Variants in ITGA11 observed in about 807,000 individuals in gnomAD.
The protein encoded by ITGA11 is integrin subunit alpha 11, also known as integrin alpha-11.
Under a neutral mutation model 141.9 loss-of-function variants are expected in ITGA11, and 97 were observed. The ratio of observed to expected loss-of-function variants is 0.68; its 90% CI spans 0.58 to 0.81. The LOEUF (loss-of-function observed/expected upper bound fraction) is 0.81, where lower values mean the gene tolerates loss of function less well. Ranked by LOEUF, ITGA11 falls within the 30% of genes least tolerant of loss-of-function variation. The pLI is 0.00. For synonymous variants in ITGA11, 658 were observed against 624.6 expected (o/e 1.05, Z -0.80); for missense variants, 1,387 against 1,559.2 (o/e 0.89, Z 1.86).
intron 1 of ITGA11, among the ~76,000 whole-genome samples, chr15:68,421,970 T>C (rs1297733369): frequency 1.3e-5 from 2 of 152,214 alleles, no homozygotes; most frequent in South Asian, 4.1e-4. Context: ...ATTCCACAGC[T>C]GATGTTTGGC....
intron 2 of ITGA11, among the ~76,000 whole-genome samples, chr15:68,392,595 T>TA (rs1467687356): frequency 6.6e-6 from 1 of 152,190 alleles, no homozygotes; most frequent in Admixed American, 6.5e-5. Flanking sequence ...GGCTGACTCC[T>TA]AAGCTGTGTA....
intron 1 of ITGA11, among the ~76,000 whole-genome samples, chr15:68,424,906 C>T (rs1285553278): frequency 1.3e-5 from 2 of 152,210 alleles, no homozygotes; most frequent in South Asian, 2.1e-4. Flanking sequence ...TTAAAAATGA[C>T]CTCACAGCTC....
At chr15:68,317,992 G>A in intron 20 of ITGA11, among the ~76,000 whole-genome samples, 1 of 152,204 alleles carries the variant, frequency 6.6e-6, no homozygotes, top group East Asian at 1.9e-4. Context: ...GTAGGCTGCT[G>A]TGTTTTTGCA....
At chr15:68,412,255 C>G (rs1171252713) in intron 1 of ITGA11, among the ~76,000 whole-genome samples, 1 of 152,106 alleles carries the variant, frequency 6.6e-6, no homozygotes, top group Non-Finnish European at 1.5e-5. Flanking sequence ...TCTGGGGACT[C>G]GTGGTTGCTG....
chr15:68,329,879 C>T (rs1188416568), intron 15 of ITGA11, among the ~76,000 whole-genome samples: 2 of 152,142 alleles, frequency 1.3e-5, no homozygotes, highest in East Asian at 3.9e-4. Context: ...CCAGTGCTGC[C>T]TAGAGGGCTG....
intron 6 of ITGA11, 56 bp downstream of exon 6, chr15:68,358,402 T>A: frequency 3.9e-6 from 6 of 1,537,026 alleles, no homozygotes; most frequent in Non-Finnish European, 4.4e-6. Flanking sequence ...AGGCAGCACC[T>A]GCCATGGGTT....
At chr15:68,334,357 C>T (rs772929814) in intron 12 of ITGA11, among the ~76,000 whole-genome samples, 2 of 152,156 alleles carry the variant, frequency 1.3e-5, no homozygotes, top group Non-Finnish European at 2.9e-5. Context: ...GGGAAGGAAC[C>T]AAAACTCAGA....
At chr15:68,379,680 G>A (rs1235095540) in intron 2 of ITGA11, among the ~76,000 whole-genome samples, 1 of 152,304 alleles carries the variant, frequency 6.6e-6, no homozygotes, top group South Asian at 2.1e-4. Context: ...AGAGAGGCTG[G>A]ACATGCAATG....
chr15:68,368,991 CTG>C (rs1895507993), intron 3 of ITGA11, among the ~76,000 whole-genome samples, 191 bp downstream of exon 3: 1 of 151,334 alleles, frequency 6.6e-6, no homozygotes, highest in African/African-American at 2.4e-5. Context: ...AGCTGTGTGA[CTG>C]TGGAAAAGTT....
chr15:68,424,996 G>A (rs1897108549), intron 1 of ITGA11, among the ~76,000 whole-genome samples: 1 of 152,250 alleles, frequency 6.6e-6, no homozygotes, highest in Non-Finnish European at 1.5e-5. Flanking sequence ...CCTGCAGTCT[G>A]TGGGATCTGT....
chr15:68,424,295 T>C (rs1404471312), intron 1 of ITGA11, among the ~76,000 whole-genome samples: 1 of 152,226 alleles, frequency 6.6e-6, no homozygotes, highest in Non-Finnish European at 1.5e-5. Context: ...CCAGAAGGAC[T>C]GAGAGTCAGG....
At chr15:68,385,656 G>C (rs1895968027) in intron 2 of ITGA11, among the ~76,000 whole-genome samples, 1 of 152,194 alleles carries the variant, frequency 6.6e-6, no homozygotes, top group South Asian at 2.1e-4. Flanking sequence ...GATCTGCGAT[G>C]GTGGGTGAAC....
At chr15:68,339,367 A>T in intron 11 of ITGA11, 133 bp downstream of exon 11, 1 of 1,010,604 alleles carries the variant, frequency 9.9e-7, no homozygotes, top group Non-Finnish European at 1.4e-6. Context: ...GATGCTCTTC[A>T]GAGTTGGGTG....
intron 10 of ITGA11, among the ~76,000 whole-genome samples, chr15:68,343,441 A>G (rs570861091): frequency 6.6e-6 from 1 of 152,342 alleles, no homozygotes; most frequent in East Asian, 1.9e-4. Flanking sequence ...TCAGACATCT[A>G]CTAAGACAAG....
chr15:68,338,770 A>C (rs1331592282), intron 11 of ITGA11, among the ~76,000 whole-genome samples: 1 of 152,228 alleles, frequency 6.6e-6, no homozygotes, highest in African/African-American at 2.4e-5. Flanking sequence ...GTGGGGTCCG[A>C]GGAGGCCTCA....
Position 68,339,599 on chromosome 15 carries a change from C to G in ITGA11, c.1177G>C (p.Ala393Pro), listed in dbSNP as rs1244039226. The G allele has an allele frequency of 1.2e-5, 19 of 1,613,888 alleles. No individual in the cohort carries two copies. The highest frequency in any genetic ancestry group is 1.6e-5 in the Non-Finnish European group (19 of 1,179,902). ...GAVGAYDWNG[A>P]VLKETSAGKV... is the part of the protein sequence containing the mutation. The stretch of plus-strand genomic sequence containing the variant: ...CCGGCACTCGTCTCCTTTAGCACAG[C>G]TCCATTCCAGTCATAGGCACCGACG... Residue 393 changes from alanine (A) to proline (P), a missense_variant, in exon 11 of 30, where the codon GCT (alanine) becomes CCT (proline). Ala to Pro is a conservative substitution (Grantham distance 27). Transcript: ENST00000315757.
rs1893090786 is a variant in ITGA11 at position 68,303,369 on chromosome 15, A to C, written c.3496-239T>G. The stretch of plus-strand genomic sequence containing the variant: ...CCCATCTTGCTGTGTGACCAGCCCC[A>C]GCCAACATCCCTCTCTGGGCCTCCT... On this transcript the variant is annotated intron_variant, in intron 29 of 29. Transcript: ENST00000315757. This position sits in a 1 kb window ranked among gnomAD's most constrained non-coding sequence, Gnocchi z 5.3. Among the ~76,000 whole-genome samples, 1 of 152,196 alleles carries C rather than the reference A, an allele frequency of 6.6e-6. No individual in the cohort carries two copies. Among genetic ancestry groups the C allele is most frequent in the African/African-American group, 2.4e-5 (1 of 41,450 alleles).
chr15:68,431,610 C>A (rs545208426), intron 1 of ITGA11, among the ~76,000 whole-genome samples: 2 of 152,226 alleles, frequency 1.3e-5, no homozygotes, highest in African/African-American at 4.8e-5. Context: ...GGCACACTCT[C>A]TTGGCGCTGA....
Position 68,321,543 on chromosome 15 carries a change from A to G in ITGA11, c.2323-40T>C, listed in dbSNP as rs1412292084. ...GCCAGGTGTGGGCAGCTGGGTAGGG[A>G]CCCGCAGCCCCTCGCCCTCAATGTA... On this transcript the variant is annotated intron_variant, in intron 18 of 29. Coordinates refer to ENST00000315757, the MANE Select transcript of ITGA11 (RefSeq NM_001004439.2). This position sits in a 1 kb window ranked among gnomAD's most constrained non-coding sequence, Gnocchi z 4.9. 3 of 1,404,844 alleles carry G rather than the reference A, an allele frequency of 2.1e-6. No individual in the cohort carries two copies. The highest frequency in any genetic ancestry group is 2.6e-5 in the South Asian group (2 of 78,342). 87.0% of individuals were successfully genotyped at this position (1,404,844 alleles called of 1,614,324 possible). A position where few individuals can be genotyped will look rare whatever the true frequency, so the allele number is the denominator to read the frequency against.
Sources: allele counts gnomAD v4.1 joint callset (sites outside exome capture counted in the v4.1 genomes callset), GRCh38; gene constraint gnomAD v4.1.1; non-coding constraint Gnocchi (gnomAD v3.1); transcripts MANE v1.5; gene names NCBI Gene and HGNC (gene_info 2026-07-23, HGNC 2026-07-21).